ROBO2: variants seen among roughly 807,000 people sequenced by gnomAD.
ROBO2 encodes the protein roundabout guidance receptor 2.
In ROBO2, 53 loss-of-function variants were observed where a neutral mutation model predicts 160.8. That is an observed-to-expected ratio of 0.33 (90% CI 0.26 to 0.41). ROBO2 has a LOEUF of 0.41. ROBO2 is among the 10% of genes least tolerant of loss of function. The probability of loss-of-function intolerance (pLI) is 1.00; values close to 1 mark genes in which losing one functional copy is unlikely to be tolerated. For missense variants in ROBO2, 1,577 were observed against 1,722.4 expected (o/e 0.92, Z 1.49); for synonymous variants, 664 against 611.7 (o/e 1.09, Z -1.26).
intron 2 of ROBO2, among the ~76,000 whole-genome samples, chr3:77,159,141 A>G (rs530770995): frequency 6.6e-6 from 1 of 152,194 alleles, no homozygotes; most frequent in African/African-American, 2.4e-5. Context: ...GGTTTCATCA[A>G]CACCCATCCT....
chr3:77,322,329 G>A (rs1243557717), intron 2 of ROBO2, among the ~76,000 whole-genome samples: 1 of 152,088 alleles, frequency 6.6e-6, no homozygotes, highest in Admixed American at 6.6e-5. Context: ...TAATGAAGAG[G>A]TGCTCACATA....
intron 2 of ROBO2, among the ~76,000 whole-genome samples, chr3:77,373,060 A>G (rs1270109620): frequency 6.8e-6 from 1 of 147,600 alleles, no homozygotes; most frequent in Non-Finnish European, 1.5e-5. Flanking sequence ...AATAAATTTT[A>G]TAATAAAATA....
In ROBO2 at chr3:77,114,754, T is replaced by G. The variant is rs185832034; in HGVS notation, c.388+16414T>G. 2.6e-5 allele frequency among the ~76,000 whole-genome samples: 4 copies of G among 152,296 alleles called. No homozygotes were observed. In the East Asian group the frequency reaches 7.7e-4, roughly 29 times the overall value. On this transcript the variant is annotated intron_variant, in intron 2 of 25. Transcript: ENST00000461745. ...TATTTTCTTCCTTTAAAAGAGAAAA[T>G]AATTTTTTTAAAAAAGCAAAGAAGT...
At chr3:76,900,203 A>G (rs969198538) in intron 2 of ROBO2, among the ~76,000 whole-genome samples, 27 of 152,090 alleles carry the variant, frequency 1.8e-4, no homozygotes, top group Non-Finnish European at 3.5e-4. Flanking sequence ...CCCATAATTC[A>G]TTCATCTCCC....
chr3:77,274,480 G>A (rs1249157725), intron 2 of ROBO2, among the ~76,000 whole-genome samples: 2 of 152,206 alleles, frequency 1.3e-5, no homozygotes, highest in African/African-American at 4.8e-5. Context: ...ATAGAGTTGA[G>A]TAACAACTTT....
At chr3:76,859,218 G>A (rs571483628) in intron 2 of ROBO2, among the ~76,000 whole-genome samples, 1 of 152,212 alleles carries the variant, frequency 6.6e-6, no homozygotes, top group African/African-American at 2.4e-5. Flanking sequence ...ATGATATGCT[G>A]ACAAAAATAG....
chr3:76,884,607 G>T (rs1037362843), intron 2 of ROBO2, among the ~76,000 whole-genome samples: 1 of 152,138 alleles, frequency 6.6e-6, no homozygotes, highest in African/African-American at 2.4e-5. Context: ...TAGGAACATA[G>T]TTGTCAGCAA....
intron 2 of ROBO2, among the ~76,000 whole-genome samples, chr3:76,588,153 T>G (rs1433830872): frequency 6.6e-6 from 1 of 152,212 alleles, no homozygotes; most frequent in Non-Finnish European, 1.5e-5. Context: ...ATTGTCTTTC[T>G]CTTCTCAAGA....
intron 7 of ROBO2, among the ~76,000 whole-genome samples, chr3:77,546,982 C>T (rs962540051): frequency 1.3e-5 from 2 of 151,930 alleles, no homozygotes; most frequent in African/African-American, 4.8e-5. Flanking sequence ...TTTCCTTCTC[C>T]ATTCCTCCTG....
intron 2 of ROBO2, among the ~76,000 whole-genome samples, chr3:76,279,422 C>G (rs2107663311): frequency 6.6e-6 from 1 of 151,948 alleles, no homozygotes; most frequent in African/African-American, 2.4e-5. Context: ...AAACATGTCT[C>G]CAGTTTGTCT....
At chr3:77,330,895 A>C (rs1328755663) in intron 2 of ROBO2, among the ~76,000 whole-genome samples, 2 of 152,226 alleles carry the variant, frequency 1.3e-5, no homozygotes, top group Non-Finnish European at 2.9e-5. Flanking sequence ...AAGTTCCACC[A>C]TGAAGCAGTC....
chr3:76,165,200 G>A (rs2072786017), intron 2 of ROBO2, among the ~76,000 whole-genome samples: 1 of 152,142 alleles, frequency 6.6e-6, no homozygotes, highest in African/African-American at 2.4e-5. Flanking sequence ...TGTTTAGTGT[G>A]AACATCTTCA....
At chr3:77,545,707 C>T (rs2092671935) in intron 6 of ROBO2, among the ~76,000 whole-genome samples, 1 of 152,080 alleles carries the variant, frequency 6.6e-6, no homozygotes, top group Non-Finnish European at 1.5e-5. Flanking sequence ...TAACCTTTAT[C>T]TATCTAAATG....
In ROBO2 at chr3:77,055,502, C is replaced by T. The variant is rs75339368; in HGVS notation, c.61+14656C>T. On this transcript the variant is annotated intron_variant, in intron 1 of 25. Coordinates refer to ENST00000461745, the Ensembl canonical transcript of ROBO2. ...GAAAAGAAAATATGGTAGACTCATA[C>T]TCCTTTTTGCCTTGATTTTCTAACA... is the stretch of plus-strand genomic sequence containing the variant. Among the ~76,000 whole-genome samples, 544 of 152,282 alleles carry T rather than the reference C, an allele frequency of 3.6e-3. 2 individuals are homozygous for T. Among genetic ancestry groups the T allele is most frequent in the African/African-American group, 0.012 (516 of 41,556 alleles).
At chr3:76,408,483 G>A (rs768122042) in intron 2 of ROBO2, among the ~76,000 whole-genome samples, 4 of 151,970 alleles carry the variant, frequency 2.6e-5, no homozygotes, top group Admixed American at 1.3e-4. Context: ...ATTTAGCTTA[G>A]TATTAACCTT....
At chr3:77,263,882 ATAGT>A (rs755625065) in intron 2 of ROBO2, among the ~76,000 whole-genome samples, 58 of 152,324 alleles carry the variant, frequency 3.8e-4, no homozygotes, top group East Asian at 9.6e-4. Flanking sequence ...ACACACACAC[ATAGT>A]TAGTGTTACT....
intron 2 of ROBO2, among the ~76,000 whole-genome samples, chr3:77,351,619 G>A (rs1043400307): frequency 2.6e-5 from 4 of 152,208 alleles, no homozygotes; most frequent in African/African-American, 4.8e-5. Flanking sequence ...AGTCATCTAC[G>A]TTGAAATACA....
chr3:76,438,259 A>G (rs1577188174), intron 2 of ROBO2, among the ~76,000 whole-genome samples: 1 of 152,198 alleles, frequency 6.6e-6, no homozygotes, highest in African/African-American at 2.4e-5. Flanking sequence ...TGCCATCCTC[A>G]ATTGGTATTT....
chr3:77,535,469 G>A (rs1301979597), intron 6 of ROBO2, among the ~76,000 whole-genome samples: 1 of 151,818 alleles, frequency 6.6e-6, no homozygotes, highest in African/African-American at 2.4e-5. Flanking sequence ...TCCCAATTTA[G>A]GAATTTAGGA....
Sources: allele counts gnomAD v4.1 joint callset (sites outside exome capture counted in the v4.1 genomes callset), GRCh38; gene constraint gnomAD v4.1.1; transcripts MANE v1.5; gene names NCBI Gene and HGNC (gene_info 2026-07-23, HGNC 2026-07-21).